The following DDX42 variants were observed in gnomAD, a reference collection of about 807,000 sequenced individuals.
DDX42 encodes DEAD-box helicase 42.
A neutral mutation model predicts 101.5 loss-of-function variants in DDX42; 22 were observed. The observed-to-expected ratio is 0.22, with a 90% CI of 0.15 to 0.31. The LOEUF (loss-of-function observed/expected upper bound fraction) is 0.31, where lower values mean the gene tolerates loss of function less well. Ranked by LOEUF, DDX42 falls within the 10% of genes least tolerant of loss-of-function variation. DDX42 has a pLI of 1.00. For synonymous variants in DDX42, 402 were observed against 401.2 expected (o/e 1.00, Z -0.02); for missense variants, 849 against 1,199.9 (o/e 0.71, Z 4.32).
chr17:63,788,242 A>C (rs1405034459), intron 2 of DDX42, among the ~76,000 whole-genome samples: 1 of 150,596 alleles, frequency 6.6e-6, no homozygotes, highest in Non-Finnish European at 1.5e-5. Flanking sequence ...GACACCATAT[A>C]AATTGTTTAG....
intron 3 of DDX42, among the ~76,000 whole-genome samples, chr17:63,797,586 A>T (rs527513391): frequency 6.6e-6 from 1 of 152,166 alleles, no homozygotes; most frequent in Non-Finnish European, 1.5e-5. Context: ...TACCACCCCC[A>T]AAATTAAAAA....
At position 63,806,574 on chromosome 17, in the gene DDX42, G is replaced by C; in HGVS notation, c.766G>C (p.Ala256Pro). 1 of 1,613,302 alleles carries C rather than the reference G, an allele frequency of 6.2e-7. No individual in the cohort carries two copies. Among genetic ancestry groups the C allele is most frequent in the Non-Finnish European group, 8.5e-7 (1 of 1,179,734 alleles). ...AAPPRPGSSF[A>P]HFGFDEQLMH... Reference sequence around the variant, plus strand: ...ACCTCCTAGACCAGGAAGTAGCTTTGCTCATTTTGGGTTTGACGAACAACT... The same window carrying C: ...ACCTCCTAGACCAGGAAGTAGCTTTCCTCATTTTGGGTTTGACGAACAACT... Residue 256 changes from alanine to proline, a missense_variant, in exon 8 of 18, where the codon GCT becomes CCT. Physicochemically the swap from Ala to Pro is conservative, Grantham distance 27. Around this residue, in one of 5 missense-constraint regions of DDX42, gnomAD observed 370 missense variants for 608.8 expected, o/e 0.61. Transcript: ENST00000389924.
chr17:63,782,872 T>C (rs1776294825), intron 1 of DDX42, among the ~76,000 whole-genome samples: 1 of 152,192 alleles, frequency 6.6e-6, no homozygotes, highest in Non-Finnish European at 1.5e-5. Flanking sequence ...GGTACGTCGT[T>C]AGCATAGCCT....
intron 2 of DDX42, among the ~76,000 whole-genome samples, chr17:63,790,342 A>G (rs537891250): frequency 1.3e-5 from 2 of 152,226 alleles, no homozygotes; most frequent in Admixed American, 6.5e-5. Context: ...TATATATTTT[A>G]GGCCAGGCAC....
chr17:63,801,297 C>T (rs913208674), intron 6 of DDX42, among the ~76,000 whole-genome samples: 4 of 151,952 alleles, frequency 2.6e-5, no homozygotes, highest in Non-Finnish European at 5.9e-5. Context: ...TCAGGTGATC[C>T]CCCTGCCTCG....
chr17:63,811,669 C>T, intron 13 of DDX42: 1 of 556,502 alleles, frequency 1.8e-6, no homozygotes, highest in South Asian at 2.2e-5. Flanking sequence ...TTAGAGAATC[C>T]TTCAGTTGCT....
At chr17:63,816,833 T>G in intron 16 of DDX42, 35 bp from the exon 17 acceptor site, 1 of 1,578,104 alleles carries the variant, frequency 6.3e-7, no homozygotes, top group South Asian at 1.1e-5. Flanking sequence ...TTCCTGCTTA[T>G]TTTTTCATTC....
intron 2 of DDX42, 136 bp from the exon 3 acceptor site, chr17:63,792,276 G>A (rs1211217094): frequency 1.0e-5 from 9 of 888,110 alleles, no homozygotes; most frequent in South Asian, 2.0e-5. Flanking sequence ...ATTAGCCAAA[G>A]CCTTGGAGGT....
intron 2 of DDX42, 125 bp downstream of exon 2, chr17:63,787,395 C>T (rs1245786172): frequency 9.9e-7 from 1 of 1,009,260 alleles, no homozygotes; most frequent in Non-Finnish European, 1.4e-6. Flanking sequence ...ATGTGTCTCG[C>T]TGAATTCCAT....
In DDX42 at chr17:63,816,835, T is replaced by C. The variant is rs771777503; in HGVS notation, c.2014-33T>C. 8.8e-6 allele frequency: 14 copies of C among 1,582,074 alleles called. No homozygotes were observed. In the South Asian group the frequency reaches 1.6e-4, roughly 18 times the overall value. ...ATAGCAGTGAGCTTTCCTGCTTATT[T>C]TTTCATTCTCATAGATGTGTTTATT... On this transcript the variant is annotated intron_variant, in intron 16 of 17. Transcript: ENST00000389924.
At chr17:63,799,464 G>T in intron 4 of DDX42, 125 bp from the exon 5 acceptor site, 2 of 993,898 alleles carry the variant, frequency 2.0e-6, no homozygotes, top group Non-Finnish European at 3.1e-6. Flanking sequence ...GCTCATTGCT[G>T]CTTTGTTATT....
chr17:63,789,816 G>A (rs1183741887), intron 2 of DDX42, among the ~76,000 whole-genome samples: 1 of 149,334 alleles, frequency 6.7e-6, no homozygotes, highest in Non-Finnish European at 1.5e-5. Flanking sequence ...CAGGTGATCT[G>A]CCTGCCTCGG....
intron 9 of DDX42, 148 bp downstream of exon 9, chr17:63,808,048 A>T (rs1186570793): frequency 2.8e-6 from 2 of 714,360 alleles, no homozygotes; most frequent in African/African-American, 1.8e-5. Flanking sequence ...TTTAATGTAC[A>T]GTTCAGTGGC....
chr17:63,797,900 C>A, intron 3 of DDX42, 138 bp from the exon 4 acceptor site: 1 of 726,322 alleles, frequency 1.4e-6, no homozygotes, highest in South Asian at 2.3e-5. Flanking sequence ...AAATAATTGT[C>A]AAAATGCAAT....
rs115923485 is a variant in DDX42, at chr17:63,791,631, C to T, written c.222-781C>T. ...TGGCCTGAACATTTATTTTCAATTC[C>T]GGAAGTTTTCTGTTGGTCCCCAGAA... On this transcript the variant is annotated intron_variant, in intron 2 of 17. Coordinates refer to ENST00000389924, the MANE Select transcript of DDX42 (RefSeq NM_203499.3). 8.8e-3 allele frequency among the ~76,000 whole-genome samples: 1,345 copies of T among 152,152 alleles called. 21 individuals carry two copies. Among genetic ancestry groups the T allele is most frequent in the African/African-American group, 0.03 (1,241 of 41,496 alleles).
intron 2 of DDX42, among the ~76,000 whole-genome samples, chr17:63,790,664 G>T (rs1376420062): frequency 6.6e-6 from 1 of 152,216 alleles, no homozygotes; most frequent in African/African-American, 2.4e-5. Flanking sequence ...GGAGGCTGAG[G>T]CAGGAGAATC....
intron 6 of DDX42, among the ~76,000 whole-genome samples, chr17:63,804,469 GA>G (rs1402361279): frequency 2.3e-4 from 35 of 152,242 alleles, no homozygotes; most frequent in African/African-American, 7.9e-4. Flanking sequence ...AAACAGAATA[GA>G]ACTCCCTCTA....
chr17:63,804,140 T>G (rs9914926), intron 6 of DDX42, among the ~76,000 whole-genome samples: 6,400 of 152,082 alleles, frequency 0.042, 469 homozygotes, highest in African/African-American at 0.15. Flanking sequence ...ATGCTTATAT[T>G]TTTCTTAAAA....
At chr17:63,813,187 A>G (rs1366057141) in intron 14 of DDX42, 41 bp from the exon 15 acceptor site, 2 of 1,535,192 alleles carry the variant, frequency 1.3e-6, no homozygotes, top group Admixed American at 1.9e-5. Context: ...TCTTCTGACT[A>G]CAGATGAAGA....
Sources: allele counts gnomAD v4.1 joint callset (sites outside exome capture counted in the v4.1 genomes callset), GRCh38; gene constraint gnomAD v4.1.1; regional missense constraint gnomAD v4.1.1; transcripts MANE v1.5; gene names NCBI Gene and HGNC (gene_info 2026-07-23, HGNC 2026-07-21).